Variants in PPFIA1 observed in about 807,000 individuals in gnomAD.
PPFIA1 encodes liprin-alpha-1.
In PPFIA1, 25 loss-of-function variants were observed where a neutral mutation model predicts 149.9. That is an observed-to-expected ratio of 0.17 (90% CI 0.12 to 0.23). The LOEUF is 0.23. PPFIA1 is among the 10% of genes least tolerant of loss of function. PPFIA1 has a pLI of 1.00. For missense variants in PPFIA1, 1,362 were observed against 1,506.5 expected (o/e 0.90, Z 1.59); for synonymous variants, 549 against 552.8 (o/e 0.99, Z 0.10).
intron 14 of PPFIA1, among the ~76,000 whole-genome samples, chr11:70,342,445 C>G (rs2137107755): frequency 1.3e-5 from 2 of 152,342 alleles, no homozygotes; most frequent in Non-Finnish European, 2.9e-5. Flanking sequence ...GGCACACACA[C>G]TTTTCCCTCT....
At chr11:70,371,070 T>A (rs2057211861) in intron 21 of PPFIA1, among the ~76,000 whole-genome samples, 1 of 152,160 alleles carries the variant, frequency 6.6e-6, no homozygotes, top group Non-Finnish European at 1.5e-5. Context: ...GAGGCGAGGT[T>A]GCAGTGATCC....
At chr11:70,291,612 C>T (rs2051528005) in intron 2 of PPFIA1, among the ~76,000 whole-genome samples, 1 of 152,146 alleles carries the variant, frequency 6.6e-6, no homozygotes, top group South Asian at 2.1e-4. Flanking sequence ...CAGTGCATTG[C>T]CCTTCCTCTG....
chr11:70,300,490 C>T (rs1247792794), intron 2 of PPFIA1, among the ~76,000 whole-genome samples: 2 of 151,964 alleles, frequency 1.3e-5, no homozygotes, highest in East Asian at 3.9e-4. Flanking sequence ...CTGCCTCAGC[C>T]TCTCAGTATC....
intron 2 of PPFIA1, among the ~76,000 whole-genome samples, chr11:70,321,037 G>A (rs143686711): frequency 4.6e-5 from 7 of 152,274 alleles, no homozygotes; most frequent in Non-Finnish European, 2.9e-5. Context: ...TCCCTGCTCT[G>A]CCAAAGTCAT....
intron 2 of PPFIA1, among the ~76,000 whole-genome samples, chr11:70,295,630 C>T (rs1335676828): frequency 3.6e-5 from 5 of 139,094 alleles, no homozygotes; most frequent in African/African-American, 8.3e-5. Context: ...CCAGTAGGGG[C>T]GGCCGGGCAG....
At chr11:70,276,097 A>G (rs2050366157) in intron 2 of PPFIA1, among the ~76,000 whole-genome samples, 2 of 152,014 alleles carry the variant, frequency 1.3e-5, no homozygotes, top group Non-Finnish European at 1.5e-5. Flanking sequence ...TTATGTGGGA[A>G]TTTAACTGTT....
Position 70,338,400 on chromosome 11 carries a change from A to C in PPFIA1, c.1518A>C (p.Ala506=). The C allele has an allele frequency of 6.2e-7, 1 of 1,613,388 alleles. No homozygotes were observed. The highest frequency in any genetic ancestry group is 8.5e-7 in the Non-Finnish European group (1 of 1,179,304). Residue 506 remains alanine, a synonymous_variant, in exon 13 of 28, where the codon GCA becomes GCC. Transcript: ENST00000253925. ...DKDQLVLNIE[A]LRAELDHMRL... ...ATCAGCTTGTCCTAAACATTGAAGCACTGAGGGCTGAACTAGACCACATGA... is the reference window on the plus strand; with the variant it reads ...ATCAGCTTGTCCTAAACATTGAAGCCCTGAGGGCTGAACTAGACCACATGA...
intron 15 of PPFIA1, among the ~76,000 whole-genome samples, chr11:70,346,222 C>T (rs1467771418): frequency 1.3e-5 from 2 of 152,128 alleles, no homozygotes; most frequent in East Asian, 3.9e-4. Context: ...TACCCTCGGG[C>T]CCTGGCCTGA....
chr11:70,277,573 C>T (rs1488291060), intron 2 of PPFIA1, among the ~76,000 whole-genome samples: 3 of 151,986 alleles, frequency 2.0e-5, no homozygotes, highest in Non-Finnish European at 4.4e-5. Flanking sequence ...GCACTGCAAC[C>T]TCCATCTCCC....
intron 19 of PPFIA1, among the ~76,000 whole-genome samples, chr11:70,361,246 G>A (rs191593514): frequency 5.6e-4 from 86 of 152,238 alleles, no homozygotes; most frequent in African/African-American, 2.0e-3. Flanking sequence ...GAGTCTATGG[G>A]GGATTGGTTC....
At chr11:70,296,509 G>A (rs923951531) in intron 2 of PPFIA1, among the ~76,000 whole-genome samples, 14 of 152,052 alleles carry the variant, frequency 9.2e-5, no homozygotes, top group Non-Finnish European at 1.5e-4. Flanking sequence ...GCGAAACCCC[G>A]TCTCCACCAA....
chr11:70,372,896 G>A (rs1484461802), intron 23 of PPFIA1, among the ~76,000 whole-genome samples: 2 of 152,196 alleles, frequency 1.3e-5, no homozygotes, highest in Non-Finnish European at 2.9e-5. Context: ...GTTCCACACT[G>A]TTAGATAACA....
intron 2 of PPFIA1, among the ~76,000 whole-genome samples, chr11:70,324,156 C>T (rs139332728): frequency 6.6e-6 from 1 of 152,236 alleles, no homozygotes; most frequent in African/African-American, 2.4e-5. Flanking sequence ...TTGGATTCCC[C>T]TTCTTTCCCT....
intron 24 of PPFIA1, 133 bp downstream of exon 24, chr11:70,375,226 T>TG: frequency 4.2e-6 from 1 of 240,486 alleles, no homozygotes; most frequent in African/African-American, 2.4e-5. Context: ...GTTTTTGGTT[T>TG]TTTTTTTTTT....
At chr11:70,363,997 C>T (rs1486260173) in intron 21 of PPFIA1, among the ~76,000 whole-genome samples, 1 of 152,180 alleles carries the variant, frequency 6.6e-6, no homozygotes, top group East Asian at 1.9e-4. Context: ...GTAGCTGTGA[C>T]TACAGGCATG....
At chr11:70,289,584 G>A (rs2136193658) in intron 2 of PPFIA1, among the ~76,000 whole-genome samples, 1 of 152,244 alleles carries the variant, frequency 6.6e-6, no homozygotes, top group Non-Finnish European at 1.5e-5. Context: ...TTAGAGTAAT[G>A]GGTTTAAAAC....
chr11:70,291,033 A>G (rs1405130029), intron 2 of PPFIA1, among the ~76,000 whole-genome samples: 1 of 152,032 alleles, frequency 6.6e-6, no homozygotes, highest in Non-Finnish European at 1.5e-5. Flanking sequence ...TTACAGGCAT[A>G]TGCCACCACG....
chr11:70,342,936 CTTTTTTTTTTTTTTTT>C (rs71463672), intron 14 of PPFIA1, among the ~76,000 whole-genome samples: 2 of 78,172 alleles, frequency 2.6e-5, no homozygotes, highest in Admixed American at 1.4e-4. Flanking sequence ...AATGTACCAC[CTTTTTTTTTTTTTTTT>C]TTTTTTTTTT....
chr11:70,295,508 G>A (rs1235394689), intron 2 of PPFIA1, among the ~76,000 whole-genome samples: 1 of 124,952 alleles, frequency 8.0e-6, no homozygotes, highest in African/African-American at 3.1e-5. Flanking sequence ...GGGTGGGGGG[G>A]CTGACCCCCC....
Sources: gnomAD v4.1 joint callset for allele counts (sites outside exome capture counted in the v4.1 genomes callset) on GRCh38, gnomAD v4.1.1 for gene constraint, MANE v1.5 for transcripts, NCBI Gene and HGNC (gene_info 2026-07-23, HGNC 2026-07-21) for gene names.